The following CHD7 variants were observed in gnomAD, a reference collection of about 807,000 sequenced individuals.
CHD7 encodes ATP-dependent chromatin remodeler CHD7.
In CHD7, 24 loss-of-function variants were observed where a neutral mutation model predicts 307.3. The observed-to-expected ratio is 0.08, with a 90% CI of 0.06 to 0.11. The LOEUF (loss-of-function observed/expected upper bound fraction) is 0.11. CHD7 is among the 10% of genes least tolerant of loss of function. The probability of loss-of-function intolerance (pLI) is 1.00; values close to 1 mark genes in which losing one functional copy is unlikely to be tolerated. For missense variants in CHD7, 3,106 were observed against 3,727.1 expected, an observed-to-expected ratio of 0.83 and a Z score of 4.34; for synonymous variants, 1,363 against 1,349.9, an observed-to-expected ratio of 1.01 and a Z score of -0.21.
intron 7 of CHD7, among the ~76,000 whole-genome samples, chr8:60,809,927 T>A (rs1425376955): frequency 6.6e-6 from 1 of 152,198 alleles, no homozygotes; most frequent in African/African-American, 2.4e-5. Flanking sequence ...ATTTACTAAT[T>A]CCATCATTTC....
chr8:60,681,146 A>C (rs1462752735), intron 1 of CHD7, among the ~76,000 whole-genome samples: 1 of 152,212 alleles, frequency 6.6e-6, no homozygotes, highest in Non-Finnish European at 1.5e-5. Context: ...ACGATGACAA[A>C]AAATATCTTA....
intron 1 of CHD7, among the ~76,000 whole-genome samples, chr8:60,693,953 C>T (rs1280810481): frequency 6.6e-6 from 1 of 152,242 alleles, no homozygotes; most frequent in Non-Finnish European, 1.5e-5. Flanking sequence ...AGTCACCTGC[C>T]TTGCCAGTGG....
chr8:60,757,084 T>A (rs1321373439), intron 2 of CHD7, among the ~76,000 whole-genome samples: 1 of 152,188 alleles, frequency 6.6e-6, no homozygotes, highest in Non-Finnish European at 1.5e-5. Context: ...TTTCCCACAT[T>A]CTGCTGGGAT....
rs746961760 is a variant in CHD7, at chr8:60,853,181, G to C, written c.6456G>C (p.Gln2152His). The C allele has an allele frequency of 6.2e-7, 1 of 1,613,896 alleles. No individual in the cohort carries two copies. The highest frequency in any genetic ancestry group is 8.5e-7 in the Non-Finnish European group (1 of 1,179,840). ...SLNPLAVGFV[Q>H]TPPVISSAHI... ...ACCCACTGGCAGTTGGATTTGTCCAGACTCCTCCAGTCATCTCATCTGCTC... is the reference window on the plus strand; with the variant it reads ...ACCCACTGGCAGTTGGATTTGTCCACACTCCTCCAGTCATCTCATCTGCTC... The change falls in exon 31 of 38, where the codon CAG becomes CAC. Residue 2152 changes from glutamine to histidine, a missense_variant. Gln to His is a conservative substitution (Grantham distance 24, BLOSUM62 0). Coordinates refer to ENST00000423902, the MANE Select transcript of CHD7 (RefSeq NM_017780.4).
At chr8:60,691,666 C>T (rs533092146) in intron 1 of CHD7, among the ~76,000 whole-genome samples, 1 of 152,204 alleles carries the variant, frequency 6.6e-6, no homozygotes, top group Non-Finnish European at 1.5e-5. Flanking sequence ...ACCCACTCCT[C>T]CCTTCCACCT....
intron 1 of CHD7, among the ~76,000 whole-genome samples, chr8:60,685,513 C>T (rs1288157044): frequency 4.6e-5 from 7 of 152,250 alleles, no homozygotes; most frequent in Admixed American, 1.3e-4. Flanking sequence ...GGGTTCCCGG[C>T]ACGTGGGTGG....
chr8:60,827,751 C>G (rs1425886826), intron 13 of CHD7, among the ~76,000 whole-genome samples: 4 of 151,694 alleles, frequency 2.6e-5, no homozygotes, highest in African/African-American at 4.8e-5. Flanking sequence ...CATGTTCTTA[C>G]CTCATTCATC....
intron 13 of CHD7, among the ~76,000 whole-genome samples, chr8:60,827,072 A>T (rs1387662808): frequency 6.6e-6 from 1 of 152,212 alleles, no homozygotes; most frequent in Non-Finnish European, 1.5e-5. Flanking sequence ...AGGTAACTGT[A>T]TGAAAGGATT....
chr8:60,860,481 C>T (rs1222421981), intron 34 of CHD7, among the ~76,000 whole-genome samples: 1 of 152,274 alleles, frequency 6.6e-6, no homozygotes, highest in African/African-American at 2.4e-5. Flanking sequence ...GTTGCCTAGG[C>T]TGGAGTGCAG....
At chr8:60,858,438 CAG>C (rs1170995729) in intron 34 of CHD7, among the ~76,000 whole-genome samples, 1 of 152,188 alleles carries the variant, frequency 6.6e-6, no homozygotes, top group Non-Finnish European at 1.5e-5. Flanking sequence ...GGCCCTCAGA[CAG>C]AGTTGTAGCA....
chr8:60,759,551 CT>C (rs991808197), intron 2 of CHD7, among the ~76,000 whole-genome samples: 1 of 151,330 alleles, frequency 6.6e-6, no homozygotes, highest in African/African-American at 2.4e-5. Flanking sequence ...CTCTCACCTT[CT>C]GGTGAGAGAG....
At chr8:60,765,187 G>A (rs376490035) in intron 2 of CHD7, among the ~76,000 whole-genome samples, 1 of 134,108 alleles carries the variant, frequency 7.5e-6, no homozygotes, top group Non-Finnish European at 1.6e-5. Context: ...CCCTGCATTA[G>A]ATGTTGGGGA....
intron 19 of CHD7, among the ~76,000 whole-genome samples, chr8:60,839,746 A>G (rs1234414759): frequency 6.6e-6 from 1 of 152,114 alleles, no homozygotes; most frequent in Non-Finnish European, 1.5e-5. Flanking sequence ...ATCTTTGGAA[A>G]AAATTCTATT....
Position 60,845,302 on chromosome 8 carries a change from G to T in CHD7, c.5103G>T (p.Gln1701His). 6.2e-7 allele frequency: 1 copy of T among 1,613,958 alleles called. No individual in the cohort carries two copies. Among genetic ancestry groups the T allele is most frequent in the Non-Finnish European group, 8.5e-7 (1 of 1,179,852 alleles). ...RGRKGKKVKA[Q>H]STQPVVQDAD... ...GGAAGGGAAAGAAGGTGAAAGCCCA[G>T]AGCACACAGCCGGTGGTGCAGGATG... The change falls in exon 23 of 38, where the codon CAG (glutamine) becomes CAT (histidine). Residue 1701 changes from glutamine (Q) to histidine (H), a missense_variant. By Grantham distance (24) the Gln-to-His change is conservative. Transcript: ENST00000423902.
Position 60,866,210 on chromosome 8 carries a change from T to C in CHD7, c.*277T>C, listed in dbSNP as rs982030205. 2 of 275,658 alleles carry C rather than the reference T, an allele frequency of 7.3e-6. No homozygotes were observed. Among genetic ancestry groups the C allele is most frequent in the Non-Finnish European group, 1.4e-5 (2 of 146,560 alleles). 17.1% of individuals were successfully genotyped at this position (275,658 alleles called of 1,614,324 possible). A position where few individuals can be genotyped will look rare whatever the true frequency, so the allele number is the denominator to read the frequency against. On this transcript the variant is annotated 3_prime_UTR_variant, in exon 38 of 38. Transcript: ENST00000423902. ...TACATAATGCTCTGCTTTTTTTTTT[T>C]CTCTTGGTACCATTGGTATTATAAT...
chr8:60,792,115 A>C (rs1241109204), intron 3 of CHD7, among the ~76,000 whole-genome samples: 1 of 152,228 alleles, frequency 6.6e-6, no homozygotes. Context: ...CAGACAAATT[A>C]AGTAACTTAT....
At position 60,734,488 on chromosome 8, in the gene CHD7, C is replaced by T. The variant is rs116191955; in HGVS notation, c.-174-6771C>T. The stretch of plus-strand genomic sequence containing the variant: ...CATGTTGATGTGGTGGTACTGCTAG[C>T]AAGGGCTTTGAAATCAGCCTGAAGA... On this transcript the variant is annotated intron_variant, in intron 1 of 37. Transcript: ENST00000423902. 1.9e-3 allele frequency among the ~76,000 whole-genome samples: 285 copies of T among 152,174 alleles called. 2 individuals carry two copies. The highest frequency in any genetic ancestry group is 3.5e-3 in the African/African-American group (147 of 41,486).
At chr8:60,859,059 A>C (rs538180993) in intron 34 of CHD7, among the ~76,000 whole-genome samples, 2 of 152,250 alleles carry the variant, frequency 1.3e-5, no homozygotes, top group Admixed American at 1.3e-4. Flanking sequence ...GAATTTGTTG[A>C]TATTTTTCTT....
intron 3 of CHD7, among the ~76,000 whole-genome samples, chr8:60,789,789 C>T (rs1192822670): frequency 2.0e-5 from 3 of 152,192 alleles, no homozygotes; most frequent in Non-Finnish European, 1.5e-5. Flanking sequence ...AGCACTAGGC[C>T]GTCCTTACGA....
Sources: gnomAD v4.1 joint callset for allele counts (sites outside exome capture counted in the v4.1 genomes callset) on GRCh38, gnomAD v4.1.1 for gene constraint, MANE v1.5 for transcripts, NCBI Gene and HGNC (gene_info 2026-07-23, HGNC 2026-07-21) for gene names.